The following SUPT20H variants were observed in gnomAD, a reference collection of about 807,000 sequenced individuals.
SUPT20H encodes SPT20 homolog, SAGA complex component.
SUPT20H carries 82 observed loss-of-function variants against 122.8 expected under a neutral mutation model. The ratio of observed to expected loss-of-function variants is 0.67; its 90% CI spans 0.56 to 0.80. The LOEUF (loss-of-function observed/expected upper bound fraction) is 0.80, where lower values mean the gene tolerates loss of function less well. Among genes scored for constraint, SUPT20H ranks in the 30% least tolerant of loss-of-function variants. SUPT20H has a pLI of 0.00. For synonymous variants in SUPT20H, 291 were observed against 313.0 expected, an observed-to-expected ratio of 0.93 and a Z score of 0.74; for missense variants, 831 against 921.6, an observed-to-expected ratio of 0.90 and a Z score of 1.27.
chr13:37,044,952 T>A (rs2066150285), intron 6 of SUPT20H, among the ~76,000 whole-genome samples: 1 of 152,154 alleles, frequency 6.6e-6, no homozygotes, highest in South Asian at 2.1e-4. Flanking sequence ...TTTTCCTTTT[T>A]TTTTTAACCT....
intron 6 of SUPT20H, 38 bp from the exon 7 acceptor site, chr13:37,044,219 C>T (rs1389337521): frequency 1.3e-6 from 2 of 1,519,420 alleles, no homozygotes; most frequent in African/African-American, 2.8e-5. Context: ...TGATCATGCT[C>T]ACTGAAAGCT....
intron 16 of SUPT20H, 45 bp from the exon 17 acceptor site, chr13:37,025,482 T>A: frequency 7.6e-7 from 1 of 1,314,552 alleles, no homozygotes; most frequent in Non-Finnish European, 1.1e-6. Context: ...AAACCTGTTT[T>A]AAACACAAAT....
At chr13:37,040,272 A>G in intron 9 of SUPT20H, 133 bp downstream of exon 9, 1 of 780,810 alleles carries the variant, frequency 1.3e-6, no homozygotes, top group East Asian at 2.8e-5. Context: ...CTTATAAAGG[A>G]ATACCAGCTT....
intron 1 of SUPT20H, among the ~76,000 whole-genome samples, chr13:37,051,926 A>T (rs953933405): frequency 1.3e-5 from 2 of 152,142 alleles, no homozygotes; most frequent in African/African-American, 4.8e-5. Flanking sequence ...TTTTCCTTTG[A>T]ATTATTTTAA....
chr13:37,021,030 C>T (rs1473027160), intron 21 of SUPT20H, among the ~76,000 whole-genome samples: 1 of 42,806 alleles, frequency 2.3e-5, no homozygotes, highest in Non-Finnish European at 7.7e-5. Flanking sequence ...CAAGATGACA[C>T]AAATGGTAAG....
intron 10 of SUPT20H, among the ~76,000 whole-genome samples, chr13:37,032,423 C>T (rs886562287): frequency 5.9e-5 from 9 of 152,264 alleles, no homozygotes; most frequent in South Asian, 4.1e-4. Context: ...GAAAAATCAA[C>T]GATTCTTCTT....
intron 10 of SUPT20H, among the ~76,000 whole-genome samples, chr13:37,032,788 G>A (rs2063617804): frequency 6.6e-6 from 1 of 152,066 alleles, no homozygotes; most frequent in Non-Finnish European, 1.5e-5. Context: ...GAAAGATCAG[G>A]GAATGACTAT....
intron 3 of SUPT20H, 127 bp from the exon 4 acceptor site, chr13:37,048,063 G>A: frequency 1.8e-6 from 1 of 561,120 alleles, no homozygotes; most frequent in Non-Finnish European, 2.8e-6. Flanking sequence ...ATTACATCTT[G>A]TAGGAAAAAC....
At chr13:37,036,682 C>A (rs928056919) in intron 9 of SUPT20H, among the ~76,000 whole-genome samples, 1 of 151,970 alleles carries the variant, frequency 6.6e-6, no homozygotes, top group Non-Finnish European at 1.5e-5. Context: ...CCCCTTCCAT[C>A]TTCTTTATCT....
At chr13:37,024,300 T>C in intron 18 of SUPT20H, 40 bp downstream of exon 18, 1 of 1,528,582 alleles carries the variant, frequency 6.5e-7, no homozygotes, top group Non-Finnish European at 8.8e-7. Flanking sequence ...TTATATAATA[T>C]TTGTTATTCT....
chr13:37,026,174 G>T, intron 16 of SUPT20H, 30 bp downstream of exon 16: 1 of 1,557,206 alleles, frequency 6.4e-7, no homozygotes, highest in South Asian at 1.2e-5. Context: ...TATCCATCCT[G>T]ACCAAAATAA....
chr13:37,011,205 C>T (rs899655083), intron 24 of SUPT20H, among the ~76,000 whole-genome samples: 1 of 152,028 alleles, frequency 6.6e-6, no homozygotes, highest in African/African-American at 2.4e-5. Context: ...GTTTGAAGGC[C>T]AACATGATTT....
rs189993796 is a variant in SUPT20H at position 37,017,465 on chromosome 13, C to T, written c.1873-101G>A. On this transcript the variant is annotated intron_variant, in intron 22 of 25. Transcript: ENST00000350612. ...TTTTTGGATCATTTGCTATGTGTCA[C>T]TCTTCTAGTTATTGAAGAAACAGGT... is the stretch of plus-strand genomic sequence containing the variant. 9.9e-6 allele frequency: 12 copies of T among 1,214,502 alleles called. No homozygotes were observed. In the African/African-American group the frequency reaches 1.7e-4, roughly 17 times the overall value. The allele number at this position is 1,214,502 out of a possible 1,614,324, so 75.2% of individuals were successfully genotyped here.
chr13:37,052,631 T>C (rs1053031212), intron 1 of SUPT20H, among the ~76,000 whole-genome samples: 2 of 152,174 alleles, frequency 1.3e-5, no homozygotes, highest in African/African-American at 4.8e-5. Flanking sequence ...GGCAAAGACT[T>C]CATGACTAAA....
chr13:37,012,578 T>G (rs1308469387), intron 23 of SUPT20H: 1 of 217,034 alleles, frequency 4.6e-6, no homozygotes, highest in African/African-American at 2.3e-5. Context: ...AACAATTTTT[T>G]AAAGCTTAAA....
chr13:37,010,683 C>T, intron 24 of SUPT20H, 28 bp from the exon 25 acceptor site: 1 of 1,586,956 alleles, frequency 6.3e-7, no homozygotes, highest in Non-Finnish European at 8.6e-7. Context: ...GGAAAGCAGG[C>T]CAGTCAAAAA....
At chr13:37,045,191 C>T (rs989973833) in intron 6 of SUPT20H, 56 bp downstream of exon 6, 6 of 1,600,300 alleles carry the variant, frequency 3.7e-6, no homozygotes, top group East Asian at 4.5e-5. Context: ...TTAAAAAAAC[C>T]GCACATCCTG....
In SUPT20H at chr13:37,033,595, T is replaced by C; in HGVS notation, c.568-7A>G. On this transcript the variant is annotated splice_region_variant and splice_polypyrimidine_tract_variant and intron_variant, in intron 9 of 25. Coordinates refer to ENST00000350612, the MANE Select transcript of SUPT20H (RefSeq NM_001014286.3). ...CAAGCAAAAGTTTGTCTTCCTGAAA[T>C]GTGTAAGAGCATATGTCAATACCAG... 1 of 1,612,426 alleles carries C rather than the reference T, an allele frequency of 6.2e-7. No individual in the cohort carries two copies. The highest frequency in any genetic ancestry group is 8.5e-7 in the Non-Finnish European group (1 of 1,179,266).
chr13:37,032,126 T>G (rs974612677), intron 10 of SUPT20H, among the ~76,000 whole-genome samples: 1 of 151,760 alleles, frequency 6.6e-6, no homozygotes. Flanking sequence ...CATTCACAAG[T>G]AAACAGATAA....
Sources: allele counts gnomAD v4.1 joint callset (sites outside exome capture counted in the v4.1 genomes callset), GRCh38; gene constraint gnomAD v4.1.1; transcripts MANE v1.5; gene names NCBI Gene and HGNC (gene_info 2026-07-23, HGNC 2026-07-21).